Variants in FUT9 observed in about 807,000 individuals in gnomAD.
FUT9 encodes the protein fucosyltransferase 9.
Under a neutral mutation model 29.7 loss-of-function variants are expected in FUT9, and 15 were observed. The ratio of observed to expected loss-of-function variants is 0.51; its 90% CI spans 0.34 to 0.78. The LOEUF is 0.78. FUT9 is among the 30% of genes least tolerant of loss of function. FUT9 has a pLI of 0.01. For missense variants in FUT9, 319 were observed against 425.4 expected (o/e 0.75, Z 2.20); for synonymous variants, 169 against 153.7 (o/e 1.10, Z -0.74).
chr6:96,173,791 ACTGT>A (rs1376182914), intron 2 of FUT9, among the ~76,000 whole-genome samples: 1 of 151,574 alleles, frequency 6.6e-6, no homozygotes, highest in Non-Finnish European at 1.5e-5. Flanking sequence ...TTTCTCTAAT[ACTGT>A]CTATCTCCTA....
At chr6:96,144,411 T>C (rs1188286526) in intron 2 of FUT9, among the ~76,000 whole-genome samples, 1 of 152,202 alleles carries the variant, frequency 6.6e-6, no homozygotes, top group African/African-American at 2.4e-5. Context: ...GAAAAACAGA[T>C]TGCTGAATTA....
intron 2 of FUT9, among the ~76,000 whole-genome samples, chr6:96,147,580 G>A (rs9390936): frequency 0.17 from 26,214 of 151,892 alleles, 2,604 homozygotes; most frequent in Non-Finnish European, 0.22. Flanking sequence ...TTAAGCTTCA[G>A]GATACTTATA....
chr6:96,179,855 A>C (rs926793153), intron 2 of FUT9, among the ~76,000 whole-genome samples: 1 of 152,134 alleles, frequency 6.6e-6, no homozygotes, highest in Non-Finnish European at 1.5e-5. Flanking sequence ...TGCCTACTGA[A>C]CACACAGCTT....
Position 96,211,351 on chromosome 6 carries a change from C to T in FUT9, c.*7116C>T. On this transcript the variant is annotated 3_prime_UTR_variant, in exon 3 of 3. Transcript: ENST00000302103. ...TAACTTATTATCAGTTGGTATAGCG[C>T]ATGTCACAGAATAGGATAGCAAGAA... is the stretch of plus-strand genomic sequence containing the variant. The T allele has an allele frequency of 1.2e-5, 2 of 166,800 alleles. No homozygotes were observed. The allele number at this position is 166,800 out of a possible 1,614,324, so 10.3% of individuals were successfully genotyped here.
At chr6:96,176,889 CTT>C (rs969322476) in intron 2 of FUT9, among the ~76,000 whole-genome samples, 1 of 152,186 alleles carries the variant, frequency 6.6e-6, no homozygotes, top group African/African-American at 2.4e-5. Flanking sequence ...GCCGCTTAGT[CTT>C]AGGCTCTGCA....
chr6:96,140,284 A>G (rs889499789), intron 2 of FUT9, among the ~76,000 whole-genome samples: 1 of 152,182 alleles, frequency 6.6e-6, no homozygotes, highest in East Asian at 1.9e-4. Context: ...AAGCCATTTA[A>G]GTCTCTAGGA....
intron 2 of FUT9, among the ~76,000 whole-genome samples, chr6:96,115,959 T>C (rs1231840218): frequency 6.6e-6 from 1 of 151,766 alleles, no homozygotes. Flanking sequence ...AGTAAATCAA[T>C]AGAAAAAAAA....
intron 1 of FUT9, among the ~76,000 whole-genome samples, chr6:96,020,568 T>C (rs2127920790): frequency 6.6e-6 from 1 of 152,086 alleles, no homozygotes; most frequent in African/African-American, 2.4e-5. Context: ...AGTGAATGAC[T>C]AAATCAATAG....
Position 96,108,986 on chromosome 6 carries a change from A to T in FUT9, c.-97-5053A>T, listed in dbSNP as rs57828580. Among the ~76,000 whole-genome samples, 740 of 152,322 alleles carry T rather than the reference A, an allele frequency of 4.9e-3. 5 individuals are homozygous for T. Among genetic ancestry groups the T allele is most frequent in the African/African-American group, 0.017 (716 of 41,576 alleles). On this transcript the variant is annotated intron_variant, in intron 1 of 2. Transcript: ENST00000302103. Reference sequence around the variant, plus strand: ...ACTCTCTGTTACATAGAAGACATTTAGAAAATGTATGTTGAATTAAAAAAA... The same window carrying T: ...ACTCTCTGTTACATAGAAGACATTTTGAAAATGTATGTTGAATTAAAAAAA...
intron 2 of FUT9, among the ~76,000 whole-genome samples, chr6:96,169,161 G>C (rs1773066934): frequency 6.6e-6 from 1 of 152,226 alleles, no homozygotes; most frequent in Admixed American, 6.5e-5. Context: ...GACTTACCAA[G>C]TAGTGAGTAA....
intron 2 of FUT9, among the ~76,000 whole-genome samples, chr6:96,143,585 A>C (rs1772506201): frequency 6.6e-6 from 1 of 150,474 alleles, no homozygotes; most frequent in Non-Finnish European, 1.5e-5. Context: ...TCTTATTTTT[A>C]ATATACCCTT....
rs576425091 is a variant in FUT9 at position 96,042,608 on chromosome 6, T to A, written c.-98+26396T>A. On this transcript the variant is annotated intron_variant, in intron 1 of 2. Coordinates refer to ENST00000302103, the MANE Select transcript of FUT9 (RefSeq NM_006581.4). ...AAACTAGAGATCAATATTTTACAGCTGTTTTTTTTAGTTATTTAATGTAGA... is the reference window on the plus strand; with the variant it reads ...AAACTAGAGATCAATATTTTACAGCAGTTTTTTTTAGTTATTTAATGTAGA... Among the ~76,000 whole-genome samples the A allele has an allele frequency of 1.1e-3, 174 of 152,234 alleles. 1 individual carries two copies. The highest frequency in any genetic ancestry group is 4.2e-3 in the African/African-American group (173 of 41,512).
intron 2 of FUT9, among the ~76,000 whole-genome samples, chr6:96,140,191 G>T (rs1429293147): frequency 2.0e-5 from 3 of 152,112 alleles, no homozygotes; most frequent in Admixed American, 6.5e-5. Context: ...CTTTACTCCA[G>T]TTCCCAACGA....
At chr6:96,152,408 C>G (rs1772694073) in intron 2 of FUT9, among the ~76,000 whole-genome samples, 1 of 152,122 alleles carries the variant, frequency 6.6e-6, no homozygotes, top group Admixed American at 6.5e-5. Flanking sequence ...GTTCTAAGTG[C>G]TTATGTCACT....
At chr6:96,181,838 T>C (rs1010916561) in intron 2 of FUT9, among the ~76,000 whole-genome samples, 3 of 152,118 alleles carry the variant, frequency 2.0e-5, no homozygotes, top group Non-Finnish European at 4.4e-5. Context: ...TTGATGGGCA[T>C]TTAGGCTGGT....
chr6:96,204,182 A>C lies in FUT9; in HGVS notation c.1027A>C (p.Arg343=), dbSNP rs1021309040. 6.7e-7 allele frequency: 1 copy of C among 1,485,200 alleles called. No individual in the cohort carries two copies. The highest frequency in any genetic ancestry group is 1.4e-5 in the African/African-American group (1 of 71,304). 92.0% of individuals were successfully genotyped at this position (1,485,200 alleles called of 1,614,324 possible). A position where few individuals can be genotyped will look rare whatever the true frequency, so the allele number is the denominator to read the frequency against. Residue 343 remains arginine, a synonymous_variant, in exon 3 of 3, where the codon AGG becomes CGG. Transcript: ENST00000302103. ...ATGTTTGGCTTGCGATCATGTGAAA[A>C]GGCATCAAGAATATAAGTCTGTTGG... ...HACLACDHVK[R]HQEYKSVGNL... is the part of the protein sequence containing the mutation.
At chr6:96,135,251 T>A (rs550945515) in intron 2 of FUT9, among the ~76,000 whole-genome samples, 1 of 151,982 alleles carries the variant, frequency 6.6e-6, no homozygotes, top group Non-Finnish European at 1.5e-5. Flanking sequence ...TACATACTTA[T>A]CTATAAACAC....
At chr6:96,085,117 A>G (rs1771294454) in intron 1 of FUT9, among the ~76,000 whole-genome samples, 1 of 152,220 alleles carries the variant, frequency 6.6e-6, no homozygotes. Flanking sequence ...ACAGCAAAAG[A>G]AAAAGTGTAT....
At chr6:96,123,273 A>G (rs1281140173) in intron 2 of FUT9, among the ~76,000 whole-genome samples, 1 of 152,098 alleles carries the variant, frequency 6.6e-6, no homozygotes, top group Non-Finnish European at 1.5e-5. Context: ...TTCAGCTGGC[A>G]AAATAATAAA....
Sources: allele counts gnomAD v4.1 joint callset (sites outside exome capture counted in the v4.1 genomes callset), GRCh38; gene constraint gnomAD v4.1.1; transcripts MANE v1.5; gene names NCBI Gene and HGNC (gene_info 2026-07-23, HGNC 2026-07-21).